Variants in PLEKHH2 observed in about 807,000 individuals in gnomAD.
PLEKHH2 encodes the protein pleckstrin homology domain-containing family H member 2.
PLEKHH2 carries 129 observed loss-of-function variants against 187.9 expected under a neutral mutation model. That is an observed-to-expected ratio of 0.69 (90% CI 0.59 to 0.79). The LOEUF is 0.79. Among genes scored for constraint, PLEKHH2 ranks in the 30% least tolerant of loss-of-function variants. The probability of loss-of-function intolerance (pLI) is 0.00; values close to 1 mark genes in which losing one functional copy is unlikely to be tolerated. For synonymous variants in PLEKHH2, 686 were observed against 605.6 expected (o/e 1.13, Z -1.95); for missense variants, 2,076 against 1,751.2 (o/e 1.19, Z -3.31).
chr2:43,699,925 GA>G lies in PLEKHH2; in HGVS notation c.970del (p.Met324CysfsTer3). ...EGVQCSRMGS[E>X]MYLTASDDSS... ...GGTCCAGTGTAGCAGGATGGGAAGT[GA>G]AATGTATCTGACAGCATCTGATGAC... On this transcript the variant is annotated frameshift_variant, in exon 8 of 30. Coordinates refer to ENST00000282406, the MANE Select transcript of PLEKHH2 (RefSeq NM_172069.4). LOFTEE classifies it high-confidence loss of function. 1 of 1,614,150 alleles carries G rather than the reference GA, an allele frequency of 6.2e-7. No homozygotes were observed. Among genetic ancestry groups the G allele is most frequent in the Non-Finnish European group, 8.5e-7 (1 of 1,180,024 alleles).
At chr2:43,722,336 A>C (rs1286685485) in intron 16 of PLEKHH2, among the ~76,000 whole-genome samples, 2 of 152,266 alleles carry the variant, frequency 1.3e-5, no homozygotes, top group East Asian at 1.9e-4. Flanking sequence ...CATAACTTTT[A>C]GAAAAGTTGT....
rs375459682 is a variant in PLEKHH2 at position 43,671,143 on chromosome 2, C to T, written c.124-7720C>T. Reference sequence around the variant, plus strand: ...CTGGGATTACAGGCACCTGCCACCACGACCAGCTATTTTTTGTATTTTTAG... The same window carrying T: ...CTGGGATTACAGGCACCTGCCACCATGACCAGCTATTTTTTGTATTTTTAG... On this transcript the variant is annotated intron_variant, in intron 2 of 29. Coordinates refer to ENST00000282406, the MANE Select transcript of PLEKHH2 (RefSeq NM_172069.4). 6.0e-4 allele frequency among the ~76,000 whole-genome samples: 91 copies of T among 152,030 alleles called. 2 individuals carry two copies. The South Asian group carries it at 0.015, about 25-fold the overall frequency.
At chr2:43,754,554 G>A (rs1387973629) in intron 25 of PLEKHH2, among the ~76,000 whole-genome samples, 1 of 152,172 alleles carries the variant, frequency 6.6e-6, no homozygotes, top group African/African-American at 2.4e-5. Flanking sequence ...TGTGGTCTCA[G>A]CGGGGTGGCA....
chr2:43,748,174 G>A (rs943900453), intron 24 of PLEKHH2, among the ~76,000 whole-genome samples: 2 of 152,190 alleles, frequency 1.3e-5, no homozygotes, highest in African/African-American at 4.8e-5. Flanking sequence ...TGTGAACACT[G>A]GAGCTTCTTT....
rs1416913853 is a variant in PLEKHH2 at position 43,700,103 on chromosome 2, C to T, written c.1145C>T (p.Ser382Phe). ...TTAAGTAAAAAGGAACAAGATAGTT[C>T]CTCGGATGAACTGAATAAAAAATTT... ...SELSKKEQDS[S>F]SDELNKKFQS... The change falls in exon 8 of 30, where the codon TCC (serine) becomes TTC (phenylalanine). Residue 382 changes from serine to phenylalanine, a missense_variant. Coordinates refer to ENST00000282406, the MANE Select transcript of PLEKHH2 (RefSeq NM_172069.4). 3 of 1,614,000 alleles carry T rather than the reference C, an allele frequency of 1.9e-6. No homozygotes were observed. The African/African-American group carries it at 4.0e-5, about 22-fold the overall frequency.
At chr2:43,746,995 T>G (rs1040828465) in intron 24 of PLEKHH2, among the ~76,000 whole-genome samples, 3 of 152,016 alleles carry the variant, frequency 2.0e-5, no homozygotes, top group African/African-American at 7.2e-5. Context: ...GAGATACCTA[T>G]GTCCTATGTT....
intron 15 of PLEKHH2, among the ~76,000 whole-genome samples, chr2:43,713,099 A>AACACAC (rs10524364): frequency 4.0e-4 from 60 of 150,780 alleles, no homozygotes; most frequent in South Asian, 6.3e-4. Context: ...ATATCAAATC[A>AACACAC]ACACACACAC....
At chr2:43,659,653 G>A (rs368930209) in intron 2 of PLEKHH2, among the ~76,000 whole-genome samples, 1 of 151,336 alleles carries the variant, frequency 6.6e-6, no homozygotes, top group Admixed American at 6.6e-5. Context: ...CTGCCTCCCA[G>A]GTTCAAGTGA....
intron 19 of PLEKHH2, 42 bp from the exon 20 acceptor site, chr2:43,738,299 A>T (rs367657772): frequency 3.4e-6 from 5 of 1,484,536 alleles, no homozygotes; most frequent in Non-Finnish European, 4.6e-6. Context: ...AATAAATCTA[A>T]TCACTCCTCA....
At chr2:43,688,877 G>A (rs886578164) in intron 3 of PLEKHH2, among the ~76,000 whole-genome samples, 2 of 152,098 alleles carry the variant, frequency 1.3e-5, no homozygotes, top group Non-Finnish European at 2.9e-5. Context: ...GCTTACTCAA[G>A]CCTTGGTGTC....
intron 18 of PLEKHH2, among the ~76,000 whole-genome samples, chr2:43,729,974 C>G (rs1158690752): frequency 6.6e-6 from 1 of 152,038 alleles, no homozygotes; most frequent in Non-Finnish European, 1.5e-5. Context: ...CCTTTGCTTC[C>G]ACTGCTCCTC....
chr2:43,666,503 C>T (rs1667223472), intron 2 of PLEKHH2, among the ~76,000 whole-genome samples: 1 of 152,196 alleles, frequency 6.6e-6, no homozygotes, highest in East Asian at 1.9e-4. Context: ...CCTCCCCCAA[C>T]ATATGTTTAA....
intron 3 of PLEKHH2, chr2:43,680,935 A>C (rs1469336151): frequency 4.5e-5 from 35 of 786,420 alleles, no homozygotes; most frequent in Admixed American, 2.5e-5. Flanking sequence ...GGGCCACTTT[A>C]GTTGCAATTA....
rs200587491 is a variant in PLEKHH2, at chr2:43,757,125, A to T, written c.3802A>T (p.Ile1268Phe). The change falls in exon 26 of 30, where the codon ATT becomes TTT. Residue 1268 changes from isoleucine to phenylalanine, a missense_variant. Transcript: ENST00000282406. Reference sequence around the variant, plus strand: ...TTTGTGGATTTCCAATTAGGTAGAGATTGGAGATTTTGAAAGACCTTTCTC... The same window carrying T: ...TTTGTGGATTTCCAATTAGGTAGAGTTTGGAGATTTTGAAAGACCTTTCTC... ...EMAALLSQVE[I>F]GDFERPFSTP... The T allele has an allele frequency of 4.2e-4, 660 of 1,578,418 alleles. No individual in the cohort carries two copies. The highest frequency in any genetic ancestry group is 5.5e-4 in the Non-Finnish European group (643 of 1,166,970).
intron 1 of PLEKHH2, among the ~76,000 whole-genome samples, chr2:43,639,357 A>G (rs1468147046): frequency 6.6e-6 from 1 of 152,186 alleles, no homozygotes; most frequent in East Asian, 1.9e-4. Flanking sequence ...AGCCATCACC[A>G]ATATCTAATT....
At chr2:43,739,422 T>C (rs958668319) in intron 20 of PLEKHH2, among the ~76,000 whole-genome samples, 5 of 152,256 alleles carry the variant, frequency 3.3e-5, no homozygotes, top group African/African-American at 9.6e-5. Flanking sequence ...TCTTTGTGTA[T>C]TGACTGCCTG....
intron 20 of PLEKHH2, 37 bp from the exon 21 acceptor site, chr2:43,740,909 A>T (rs1481166653): frequency 1.2e-6 from 2 of 1,606,020 alleles, no homozygotes; most frequent in African/African-American, 2.7e-5. Context: ...TCTGACTGGC[A>T]CGTGGTATCT....
chr2:43,674,738 A>T (rs1667648527), intron 2 of PLEKHH2, among the ~76,000 whole-genome samples: 1 of 152,110 alleles, frequency 6.6e-6, no homozygotes, highest in East Asian at 1.9e-4. Context: ...TAATCTCAGC[A>T]CTTTGGGAGG....
At chr2:43,660,044 T>C (rs1666988921) in intron 2 of PLEKHH2, among the ~76,000 whole-genome samples, 1 of 152,224 alleles carries the variant, frequency 6.6e-6, no homozygotes, top group Non-Finnish European at 1.5e-5. Context: ...TTATAGTCTG[T>C]CTTCTTCTCA....
Sources: gnomAD v4.1 joint callset for allele counts (sites outside exome capture counted in the v4.1 genomes callset) on GRCh38, gnomAD v4.1.1 for gene constraint, MANE v1.5 for transcripts, NCBI Gene and HGNC (gene_info 2026-07-23, HGNC 2026-07-21) for gene names.